IL1RAP: variants seen among roughly 807,000 people sequenced by gnomAD.
IL1RAP encodes the protein interleukin-1 receptor accessory protein.
IL1RAP carries 35 observed loss-of-function variants against 60.7 expected under a neutral mutation model. That is an observed-to-expected ratio of 0.58 (90% CI 0.44 to 0.76). The LOEUF is 0.76. Among genes scored for constraint, IL1RAP ranks in the 30% least tolerant of loss-of-function variants. IL1RAP has a pLI of 0.00. For synonymous variants in IL1RAP, 268 were observed against 250.9 expected, an observed-to-expected ratio of 1.07 and a Z score of -0.64; for missense variants, 572 against 693.9, an observed-to-expected ratio of 0.82 and a Z score of 1.97.
intron 3 of IL1RAP, among the ~76,000 whole-genome samples, chr3:190,598,058 A>T (rs559528729): frequency 3.0e-4 from 46 of 152,236 alleles, no homozygotes; most frequent in Non-Finnish European, 4.0e-4. Context: ...TCAGAATATG[A>T]TCTGTGGCCC....
At chr3:190,514,812 T>A (rs957891581) in intron 1 of IL1RAP, among the ~76,000 whole-genome samples, 4 of 152,140 alleles carry the variant, frequency 2.6e-5, no homozygotes, top group African/African-American at 9.7e-5. Flanking sequence ...TGACCTCCTA[T>A]GGTACTGTTT....
intron 9 of IL1RAP, among the ~76,000 whole-genome samples, chr3:190,637,678 G>A (rs986486440): frequency 3.9e-5 from 6 of 151,962 alleles, no homozygotes; most frequent in Non-Finnish European, 8.8e-5. Context: ...TTTGAGAAAT[G>A]CATATATATA....
chr3:190,572,337 G>A (rs1292374889), intron 3 of IL1RAP, among the ~76,000 whole-genome samples: 1 of 152,086 alleles, frequency 6.6e-6, no homozygotes, highest in Non-Finnish European at 1.5e-5. Context: ...GACATTCACA[G>A]CTTGATTCTA....
intron 9 of IL1RAP, among the ~76,000 whole-genome samples, chr3:190,634,944 T>G (rs1449788446): frequency 1.4e-4 from 21 of 152,150 alleles, no homozygotes. Context: ...CTCGATCTCC[T>G]GACCTTGTGA....
intron 9 of IL1RAP, among the ~76,000 whole-genome samples, chr3:190,637,832 A>G (rs1245201432): frequency 2.0e-5 from 3 of 149,852 alleles, no homozygotes; most frequent in Non-Finnish European, 3.0e-5. Context: ...TTTTTAGAAT[A>G]GTTTTTTTTT....
At chr3:190,590,229 G>A (rs950530742) in intron 3 of IL1RAP, among the ~76,000 whole-genome samples, 1 of 151,654 alleles carries the variant, frequency 6.6e-6, no homozygotes, top group Admixed American at 6.6e-5. Context: ...TTACCTATGT[G>A]GCAACTGTGG....
At chr3:190,608,127 T>C (rs1730505281) in intron 4 of IL1RAP, among the ~76,000 whole-genome samples, 2 of 152,192 alleles carry the variant, frequency 1.3e-5, no homozygotes, top group African/African-American at 4.8e-5. Flanking sequence ...TATTTTGCTG[T>C]GTTGAACAGC....
chr3:190,583,623 A>G (rs981591343), intron 3 of IL1RAP, among the ~76,000 whole-genome samples: 1 of 152,224 alleles, frequency 6.6e-6, no homozygotes, highest in African/African-American at 2.4e-5. Flanking sequence ...AGTGGTTAGT[A>G]TCATAAGAGA....
chr3:190,636,709 A>C (rs192417222), intron 9 of IL1RAP, among the ~76,000 whole-genome samples: 1 of 152,118 alleles, frequency 6.6e-6, no homozygotes, highest in East Asian at 1.9e-4. Context: ...CTTTATACTT[A>C]ATGTATGTAT....
intron 3 of IL1RAP, among the ~76,000 whole-genome samples, chr3:190,599,563 A>G (rs1729675396): frequency 6.6e-6 from 1 of 151,466 alleles, no homozygotes; most frequent in South Asian, 2.1e-4. Flanking sequence ...TTGTTTTGAA[A>G]TATTTATGTG....
chr3:190,523,664 C>T (rs1199920517), intron 1 of IL1RAP, among the ~76,000 whole-genome samples: 2 of 152,244 alleles, frequency 1.3e-5, no homozygotes, highest in African/African-American at 4.8e-5. Flanking sequence ...TAATGGTCCC[C>T]AGCTCTATCC....
At chr3:190,617,204 C>G (rs1461485062) in intron 5 of IL1RAP, among the ~76,000 whole-genome samples, 1 of 152,122 alleles carries the variant, frequency 6.6e-6, no homozygotes, top group African/African-American at 2.4e-5. Context: ...TGTTGCAATC[C>G]TTCATTAGAC....
intron 1 of IL1RAP, among the ~76,000 whole-genome samples, chr3:190,533,620 T>C (rs1723171821): frequency 6.6e-6 from 1 of 152,184 alleles, no homozygotes; most frequent in Non-Finnish European, 1.5e-5. Context: ...TGTCTGGGCC[T>C]GGCACGGTTC....
chr3:190,634,454 AT>A (rs1199224704), intron 9 of IL1RAP, among the ~76,000 whole-genome samples: 2 of 147,940 alleles, frequency 1.4e-5, no homozygotes, highest in Non-Finnish European at 3.0e-5. Flanking sequence ...ATACCAGCGA[AT>A]TTTTTTTTTC....
chr3:190,515,249 G>GT (rs1490850332), intron 1 of IL1RAP, among the ~76,000 whole-genome samples: 1 of 109,794 alleles, frequency 9.1e-6, no homozygotes, highest in Non-Finnish European at 1.8e-5. Context: ...TTTTTTTCCA[G>GT]CCAAAAAATG....
At chr3:190,572,855 C>CTTTTTTTTTTTTTTTTTT (rs1337681913) in intron 3 of IL1RAP, among the ~76,000 whole-genome samples, 1 of 57,640 alleles carries the variant, frequency 1.7e-5, no homozygotes, top group Non-Finnish European at 3.3e-5. Flanking sequence ...AGGGTTAATG[C>CTTTTTTTTTTTTTTTTTT]TTTGTTTTTT....
At chr3:190,529,265 G>T (rs1181765119) in intron 1 of IL1RAP, among the ~76,000 whole-genome samples, 1 of 152,066 alleles carries the variant, frequency 6.6e-6, no homozygotes, top group Non-Finnish European at 1.5e-5. Context: ...GCAGCCAGGC[G>T]CAGTGGCTCA....
At chr3:190,540,336 G>A (rs551901960) in intron 1 of IL1RAP, among the ~76,000 whole-genome samples, 11 of 151,996 alleles carry the variant, frequency 7.2e-5, no homozygotes, top group African/African-American at 2.7e-4. Flanking sequence ...TTTGGTGGAT[G>A]AATGTTTGTA....
intron 2 of IL1RAP, among the ~76,000 whole-genome samples, chr3:190,558,897 G>C (rs1031765937): frequency 1.3e-5 from 2 of 152,096 alleles, no homozygotes; most frequent in Non-Finnish European, 1.5e-5. Flanking sequence ...AAACTTAGTT[G>C]CTTAAAAAGC....
Sources: allele counts gnomAD v4.1 joint callset (sites outside exome capture counted in the v4.1 genomes callset), GRCh38; gene constraint gnomAD v4.1.1; transcripts MANE v1.5; gene names NCBI Gene and HGNC (gene_info 2026-07-23, HGNC 2026-07-21).